POLDIP2: variants seen among roughly 807,000 people sequenced by gnomAD.
The protein encoded by POLDIP2 is DNA polymerase delta interacting protein 2, also known as polymerase delta-interacting protein 2.
In POLDIP2, 32 loss-of-function variants were observed where a neutral mutation model predicts 52.9. The observed-to-expected ratio is 0.61, with a 90% CI of 0.46 to 0.81. POLDIP2 has a LOEUF of 0.81. Among genes scored for constraint, POLDIP2 ranks in the 40% least tolerant of loss-of-function variants. The pLI is 0.00. For synonymous variants in POLDIP2, 183 were observed against 183.0 expected (o/e 1.00, Z 0.00); for missense variants, 371 against 477.3 (o/e 0.78, Z 2.07).
At chr17:28,348,534 G>A (rs1907673063) in intron 10 of POLDIP2, among the ~76,000 whole-genome samples, 1 of 152,204 alleles carries the variant, frequency 6.6e-6, no homozygotes, top group East Asian at 1.9e-4. Flanking sequence ...CCAACATGGA[G>A]AAACCCCGTC....
At chr17:28,355,498 T>C (rs1428671788) in intron 2 of POLDIP2, among the ~76,000 whole-genome samples, 1 of 151,880 alleles carries the variant, frequency 6.6e-6, no homozygotes, top group Admixed American at 6.6e-5. Context: ...TCCCAGCTAC[T>C]AGGGAGGCTG....
intron 10 of POLDIP2, among the ~76,000 whole-genome samples, chr17:28,348,530 T>C (rs1245343376): frequency 3.3e-5 from 5 of 152,116 alleles, no homozygotes; most frequent in African/African-American, 7.2e-5. Context: ...CTGACCAACA[T>C]GGAGAAACCC....
At chr17:28,354,684 C>G (rs950308004) in intron 2 of POLDIP2, 99 bp from the exon 3 acceptor site, 166 of 738,106 alleles carry the variant, frequency 2.2e-4, no homozygotes, top group Non-Finnish European at 3.6e-4. Flanking sequence ...AACTCCAGCA[C>G]AAGGTCTTGC....
chr17:28,348,289 T>C (rs908117691), intron 10 of POLDIP2, 58 bp from the exon 11 acceptor site: 52 of 1,155,162 alleles, frequency 4.5e-5, no homozygotes, highest in Admixed American at 7.1e-5. Context: ...CCTAAGGATC[T>C]GGATGGCCCC....
At chr17:28,357,148 G>T in intron 1 of POLDIP2, 140 bp downstream of exon 1, 1 of 799,738 alleles carries the variant, frequency 1.3e-6, no homozygotes, top group Non-Finnish European at 1.8e-6. Context: ...AGCGCAGGTC[G>T]GCTCCCTGCT....
At chr17:28,348,689 G>T (rs1907679855) in intron 10 of POLDIP2, among the ~76,000 whole-genome samples, 1 of 152,208 alleles carries the variant, frequency 6.6e-6, no homozygotes, top group Non-Finnish European at 1.5e-5. Flanking sequence ...TCCAGCCTGG[G>T]CAATAAGTGA....
At chr17:28,357,138 A>C in intron 1 of POLDIP2, 150 bp downstream of exon 1, 1 of 714,548 alleles carries the variant, frequency 1.4e-6, no homozygotes, top group Non-Finnish European at 2.1e-6. Flanking sequence ...TGTCCCAGAC[A>C]GCGCAGGTCG....
At position 28,351,658 on chromosome 17, in the gene POLDIP2, A is replaced by G; in HGVS notation, c.759+6T>C. ...CTGCTAGAAGGGGTCCAGGCTGGCCACATACCCTCATGCCCATGTAGAAGG... is the reference window on the plus strand; with the variant it reads ...CTGCTAGAAGGGGTCCAGGCTGGCCGCATACCCTCATGCCCATGTAGAAGG... On this transcript the variant is annotated splice_donor_region_variant and intron_variant, in intron 7 of 10. Transcript: ENST00000540200. The G allele has an allele frequency of 1.2e-6, 2 of 1,613,478 alleles. No individual in the cohort carries two copies. The highest frequency in any genetic ancestry group is 1.7e-6 in the Non-Finnish European group (2 of 1,179,670).
intron 3 of POLDIP2, 23 bp downstream of exon 3, chr17:28,354,465 G>C: frequency 4.7e-6 from 7 of 1,495,816 alleles, no homozygotes; most frequent in Non-Finnish European, 6.4e-6. Flanking sequence ...GATACTGTGA[G>C]GCACAACCAC....
At chr17:28,353,534 A>AAAAAAAAAAAAAAAAAAAAAAAAAAAAAC (rs1907901148) in intron 4 of POLDIP2, among the ~76,000 whole-genome samples, 161 bp downstream of exon 4, 2 of 147,356 alleles carry the variant, frequency 1.4e-5, no homozygotes, top group Non-Finnish European at 1.5e-5. Flanking sequence ...AAAAAAAAAA[A>AAAAAAAAAAAAAAAAAAAAAAAAAAAAAC]AGACGTGAAT....
chr17:28,347,975 C>G lies in POLDIP2; in HGVS notation c.*142G>C. Reference sequence around the variant, plus strand: ...GTCTTCTGAAGAAAAGTTATACCACCCCTCCCCACAAAAAGAACCCCACAA... The same window carrying G: ...GTCTTCTGAAGAAAAGTTATACCACGCCTCCCCACAAAAAGAACCCCACAA... On this transcript the variant is annotated 3_prime_UTR_variant, in exon 11 of 11. Transcript: ENST00000540200. 3.2e-6 allele frequency: 2 copies of G among 619,154 alleles called. No homozygotes were observed. The highest frequency in any genetic ancestry group is 4.0e-5 in the South Asian group (2 of 50,522). 38.4% of individuals were successfully genotyped at this position (619,154 alleles called of 1,614,324 possible). A position where few individuals can be genotyped will look rare whatever the true frequency, so the allele number is the denominator to read the frequency against.
Position 28,347,668 on chromosome 17 carries a change from G to C in POLDIP2, c.*449C>G, listed in dbSNP as rs1907631097. ...TCCAGCCAGCCTCCAGGCTGAGAGG[G>C]AAACAGGCACATGCCCTACCAGGGG... On this transcript the variant is annotated 3_prime_UTR_variant, in exon 11 of 11. Transcript: ENST00000540200. 3 of 159,008 alleles carry C rather than the reference G, an allele frequency of 1.9e-5. No individual in the cohort carries two copies. In the South Asian group the frequency reaches 5.4e-4, roughly 29 times the overall value. The allele number at this position is 159,008 out of a possible 1,614,324, so 9.8% of individuals were successfully genotyped here.
Position 28,351,343 on chromosome 17 carries a change from A to T in POLDIP2, c.759+321T>A, listed in dbSNP as rs1423441448. Among the ~76,000 whole-genome samples, 11 of 152,194 alleles carry T rather than the reference A, an allele frequency of 7.2e-5. 1 individual carries two copies. The highest frequency in any genetic ancestry group is 4.4e-5 in the Non-Finnish European group (3 of 68,036). On this transcript the variant is annotated intron_variant, in intron 7 of 10. Coordinates refer to ENST00000540200, the MANE Select transcript of POLDIP2 (RefSeq NM_015584.5). ...GCCAGGCGATGTGTAAGTGTCTATA[A>T]TGTGTAAAAAGTGTTATGCCTACAC...
chr17:28,353,623 C>A (rs755384106), intron 4 of POLDIP2, 72 bp downstream of exon 4: 2 of 1,065,498 alleles, frequency 1.9e-6, no homozygotes, highest in Non-Finnish European at 2.9e-6. Flanking sequence ...CCCCTTCCCT[C>A]CCTTTGTCCC....
chr17:28,347,017 G>C lies in POLDIP2; in HGVS notation c.*1100C>G, dbSNP rs1449137101. On this transcript the variant is annotated 3_prime_UTR_variant, in exon 11 of 11. Coordinates refer to ENST00000540200, the MANE Select transcript of POLDIP2 (RefSeq NM_015584.5). ...AAATTGTGTTAAACTCAATGGTACA[G>C]AGCCATGTTTACAGTGAGCAGGCCT... is the stretch of plus-strand genomic sequence containing the variant. 3.9e-5 allele frequency: 6 copies of C among 152,214 alleles called. No homozygotes were observed. Among genetic ancestry groups the C allele is most frequent in the African/African-American group, 1.4e-4 (6 of 41,448 alleles). The allele number at this position is 152,214 out of a possible 1,614,324, so 9.4% of individuals were successfully genotyped here.
At chr17:28,356,529 G>A (rs1247677678) in intron 1 of POLDIP2, among the ~76,000 whole-genome samples, 2 of 151,972 alleles carry the variant, frequency 1.3e-5, no homozygotes, top group African/African-American at 2.4e-5. Flanking sequence ...GATTTCCTAC[G>A]GCACATCGCT....
chr17:28,348,204 A>G lies in POLDIP2; in HGVS notation c.1020T>C (p.Asp340=). Residue 340 remains aspartate (D), a synonymous_variant, in exon 11 of 11, where the codon GAT becomes GAC. Transcript: ENST00000540200. ...MWGTFRFERP[D]GSHFDVRIPP... ...GAATCCGAACATCAAAGTGGGAGCCATCAGGTCTTTCAAAGCGGAACGTGC... is the reference window on the plus strand; with the variant it reads ...GAATCCGAACATCAAAGTGGGAGCCGTCAGGTCTTTCAAAGCGGAACGTGC... 3.1e-6 allele frequency: 5 copies of G among 1,613,876 alleles called. No homozygotes were observed. The highest frequency in any genetic ancestry group is 4.2e-6 in the Non-Finnish European group (5 of 1,179,744).
Position 28,347,181 on chromosome 17 carries a change from A to T in POLDIP2, c.*936T>A, listed in dbSNP as rs1234140177. The T allele has an allele frequency of 6.6e-6, 1 of 152,196 alleles. No homozygotes were observed. The highest frequency in any genetic ancestry group is 1.9e-4 in the East Asian group (1 of 5,196). The allele number at this position is 152,196 out of a possible 1,614,324, so 9.4% of individuals were successfully genotyped here. A position where few individuals can be genotyped will look rare whatever the true frequency, so the allele number is the denominator to read the frequency against. On this transcript the variant is annotated 3_prime_UTR_variant, in exon 11 of 11. Transcript: ENST00000540200. The stretch of plus-strand genomic sequence containing the variant: ...CTGGAGGACTAAGGACAAGAATAAC[A>T]AGGGCTGGAACTGTGATTTAATATT...
intron 2 of POLDIP2, 83 bp from the exon 3 acceptor site, chr17:28,354,668 G>A (rs1907948140): frequency 2.4e-6 from 2 of 841,392 alleles, no homozygotes; most frequent in Admixed American, 4.0e-5. Flanking sequence ...CAACACAGGT[G>A]GAGGCAACTC....
Sources: gnomAD v4.1 joint callset for allele counts (sites outside exome capture counted in the v4.1 genomes callset) on GRCh38, gnomAD v4.1.1 for gene constraint, MANE v1.5 for transcripts, NCBI Gene and HGNC (gene_info 2026-07-23, HGNC 2026-07-21) for gene names.